Variants in MAB21L4 observed in about 807,000 individuals in gnomAD.
The protein encoded by MAB21L4 is protein mab-21-like 4.
A neutral mutation model predicts 32.4 loss-of-function variants in MAB21L4; 25 were observed. The ratio of observed to expected loss-of-function variants is 0.77; its 90% CI spans 0.56 to 1.08. MAB21L4 has a LOEUF of 1.08. MAB21L4 is among the 50% of genes least tolerant of loss of function. MAB21L4 has a pLI of 0.00. For synonymous variants in MAB21L4, 280 were observed against 276.8 expected, an observed-to-expected ratio of 1.01 and a Z score of -0.11; for missense variants, 638 against 611.0, an observed-to-expected ratio of 1.04 and a Z score of -0.47.
In MAB21L4 at chr2:240,895,888, TG is replaced by T; in HGVS notation, c.109del (p.Gln37SerfsTer57). ...CGTGAGCAGCACGTTCTCTGCGCGC[TG>T]GAAGTCCTGGGCACGCGGCGCCTCC... ...SREAPRAQDF[Q>X]RAENVLLTVL... On this transcript the variant is annotated frameshift_variant, in exon 1 of 5. Coordinates refer to ENST00000388934, the MANE Select transcript of MAB21L4 (RefSeq NM_001085437.3). LOFTEE classifies it high-confidence loss of function. 6 of 1,535,872 alleles carry T rather than the reference TG, an allele frequency of 3.9e-6. No homozygotes were observed. Among genetic ancestry groups the T allele is most frequent in the Non-Finnish European group, 5.3e-6 (6 of 1,139,894 alleles).
chr2:240,895,423 C>T, intron 1 of MAB21L4, 61 bp downstream of exon 1: 2 of 1,430,120 alleles, frequency 1.4e-6, no homozygotes, highest in Non-Finnish European at 1.9e-6. Flanking sequence ...TGCACACAGA[C>T]ACCCACACAG....
chr2:240,891,991 A>G, intron 1 of MAB21L4: 1 of 1,527,560 alleles, frequency 6.5e-7, no homozygotes, highest in Non-Finnish European at 8.8e-7. Flanking sequence ...CCCAATGGTG[A>G]CAGTCCTCGG....
In MAB21L4 at chr2:240,896,011, G is replaced by T. The variant is rs1212684633; in HGVS notation, c.-14C>A. On this transcript the variant is annotated 5_prime_UTR_variant, in exon 1 of 5. Coordinates refer to ENST00000388934, the MANE Select transcript of MAB21L4 (RefSeq NM_001085437.3). ...AGGGGCAGGCATCCCTTCAACAGTG[G>T]CAGGTGAGGGCCAGTGGCCCCTGAG... 7.0e-7 allele frequency: 1 copy of T among 1,432,788 alleles called. No homozygotes were observed. Among genetic ancestry groups the T allele is most frequent in the Non-Finnish European group, 9.1e-7 (1 of 1,097,868 alleles). 88.8% of individuals were successfully genotyped at this position (1,432,788 alleles called of 1,614,324 possible).
In MAB21L4 at chr2:240,890,209, A is replaced by G. The variant is rs571929277; in HGVS notation, c.741-51T>C. 3.3e-4 allele frequency: 514 copies of G among 1,556,320 alleles called. 7 individuals are homozygous for G. The South Asian group carries it at 5.7e-3, about 17-fold the overall frequency. On this transcript the variant is annotated intron_variant, in intron 2 of 4. Transcript: ENST00000388934. ...TCAGCCCCCGCCGCTGTTGGCCCCC[A>G]GCATGGGGAGCTTCTGAGCCCCGGA...
intron 1 of MAB21L4, chr2:240,892,066 C>A: frequency 6.9e-7 from 1 of 1,445,552 alleles, no homozygotes; most frequent in African/African-American, 1.4e-5. Flanking sequence ...TGAGGTTTTC[C>A]TTTGCCAGGC....
Position 240,891,773 on chromosome 2 carries a change from C to T in MAB21L4, c.515-10G>A. On this transcript the variant is annotated splice_polypyrimidine_tract_variant and intron_variant, in intron 1 of 4. Coordinates refer to ENST00000388934, the MANE Select transcript of MAB21L4 (RefSeq NM_001085437.3). ...GCCGCGTTCAGCGAACCTGCAAAGACCCAAGTCACGCCGGCCCCTCGACTT... is the reference window on the plus strand; with the variant it reads ...GCCGCGTTCAGCGAACCTGCAAAGATCCAAGTCACGCCGGCCCCTCGACTT... 6.2e-7 allele frequency: 1 copy of T among 1,605,454 alleles called. No individual in the cohort carries two copies. Among genetic ancestry groups the T allele is most frequent in the Non-Finnish European group, 8.5e-7 (1 of 1,176,350 alleles).
At chr2:240,896,349 G>A (rs2059187468), upstream of MAB21L4, among the ~76,000 whole-genome samples, 1 of 152,212 alleles carries the variant, frequency 6.6e-6, no homozygotes, top group Non-Finnish European at 1.5e-5. Context: ...CAGGCTTGGG[G>A]TCCCTGGAGA....
intron 2 of MAB21L4, among the ~76,000 whole-genome samples, chr2:240,890,864 G>A (rs1293607681): frequency 2.0e-5 from 3 of 152,224 alleles, no homozygotes; most frequent in Non-Finnish European, 4.4e-5. Context: ...CCCCTGCCTC[G>A]CGTGAAGGGG....
chr2:240,890,256 CGTGCT>C (rs2059133394), intron 2 of MAB21L4, 98 bp from the exon 3 acceptor site: 4 of 1,432,478 alleles, frequency 2.8e-6, no homozygotes, highest in Non-Finnish European at 3.7e-6. Flanking sequence ...TGGCCAGGGT[CGTGCT>C]GTGCTGCGTC....
In MAB21L4 at chr2:240,891,855, C is replaced by T. The variant is rs769392717; in HGVS notation, c.515-92G>A. 13 of 1,584,216 alleles carry T rather than the reference C, an allele frequency of 8.2e-6. 1 individual carries two copies. In the South Asian group the frequency reaches 1.3e-4, roughly 15 times the overall value. ...CCTCCTGCTGCCAACTTGGCCCCTG[C>T]CCCTCATCACCTCTCACCTGCAGCC... On this transcript the variant is annotated intron_variant, in intron 1 of 4. Coordinates refer to ENST00000388934, the MANE Select transcript of MAB21L4 (RefSeq NM_001085437.3).
intron 2 of MAB21L4, 39 bp from the exon 3 acceptor site, chr2:240,890,197 C>A: frequency 6.4e-7 from 1 of 1,567,778 alleles, no homozygotes; most frequent in Non-Finnish European, 8.7e-7. Flanking sequence ...GCCCCCGCCG[C>A]TGTTGGCCCC....
intron 1 of MAB21L4, among the ~76,000 whole-genome samples, chr2:240,893,750 C>CGTGAGGAGCCTCTCTGGGGGA (rs2059169345): frequency 6.6e-6 from 1 of 152,194 alleles, no homozygotes; most frequent in Non-Finnish European, 1.5e-5. Context: ...ACTCTGGGGG[C>CGTGAGGAGCCTCTCTGGGGGA]GTGAGGAGCC....
intron 3 of MAB21L4, among the ~76,000 whole-genome samples, chr2:240,888,877 C>G (rs1218495604): frequency 6.6e-6 from 1 of 151,978 alleles, no homozygotes; most frequent in Admixed American, 6.6e-5. Context: ...CCTCCCCTGC[C>G]TGGCTCTGGC....
chr2:240,890,511 C>T (rs556602219), intron 2 of MAB21L4, among the ~76,000 whole-genome samples: 6 of 152,292 alleles, frequency 3.9e-5, no homozygotes, highest in Admixed American at 1.3e-4. Flanking sequence ...AAGCCCAGGG[C>T]GGCAGCCTCC....
At chr2:240,888,741 T>C in intron 3 of MAB21L4, 93 bp from the exon 4 acceptor site, 1 of 780,542 alleles carries the variant, frequency 1.3e-6, no homozygotes, top group Non-Finnish European at 1.8e-6. Context: ...TGGCTGCCCC[T>C]CCCTGCTCCT....
chr2:240,895,112 G>A (rs1369009633), intron 1 of MAB21L4, among the ~76,000 whole-genome samples: 1 of 152,110 alleles, frequency 6.6e-6, no homozygotes, highest in African/African-American at 2.4e-5. Flanking sequence ...GCCGTGTGAG[G>A]GACCCTCCTG....
intron 1 of MAB21L4, among the ~76,000 whole-genome samples, chr2:240,893,606 C>A (rs576798959): frequency 1.3e-5 from 2 of 152,362 alleles, no homozygotes; most frequent in Non-Finnish European, 2.9e-5. Context: ...TGACCCCTGT[C>A]ACCTAGGCTG....
chr2:240,888,172 T>C, intron 4 of MAB21L4, 120 bp downstream of exon 4: 1 of 800,004 alleles, frequency 1.2e-6, no homozygotes. Context: ...AGCCCTGACC[T>C]GGCCTCAGCA....
At position 240,892,754 on chromosome 2, in the gene MAB21L4, A is replaced by T. The variant is rs1255158058; in HGVS notation, c.515-991T>A. On this transcript the variant is annotated intron_variant, in intron 1 of 4. Transcript: ENST00000388934. Reference sequence around the variant, plus strand: ...CCCCATGGCCCCTGTCCCCCACAGGAGGCACATTCTGACCAAGAGGTTTCC... The same window carrying T: ...CCCCATGGCCCCTGTCCCCCACAGGTGGCACATTCTGACCAAGAGGTTTCC... Among the ~76,000 whole-genome samples, 3 of 152,262 alleles carry T rather than the reference A, an allele frequency of 2.0e-5. No individual in the cohort carries two copies. In the South Asian group the frequency reaches 6.2e-4, roughly 32 times the overall value.
Sources: gnomAD v4.1 joint callset for allele counts (sites outside exome capture counted in the v4.1 genomes callset) on GRCh38, gnomAD v4.1.1 for gene constraint, MANE v1.5 for transcripts, NCBI Gene and HGNC (gene_info 2026-07-23, HGNC 2026-07-21) for gene names.